SPINT2: variants seen among roughly 807,000 people sequenced by gnomAD.
SPINT2 encodes the protein kunitz-type protease inhibitor 2.
Under a neutral mutation model 30.1 loss-of-function variants are expected in SPINT2, and 18 were observed. The observed-to-expected ratio is 0.60, with a 90% CI of 0.41 to 0.89. SPINT2 has a LOEUF of 0.89. Among genes scored for constraint, SPINT2 ranks in the 40% least tolerant of loss-of-function variants. SPINT2 has a pLI of 0.00. For synonymous variants in SPINT2, 139 were observed against 137.9 expected (o/e 1.01, Z -0.05); for missense variants, 276 against 334.3 (o/e 0.83, Z 1.36).
At chr19:38,265,094 A>C in intron 1 of SPINT2, 96 bp downstream of exon 1, 77 of 838,848 alleles carry the variant, frequency 9.2e-5, no homozygotes, top group Middle Eastern at 3.9e-4. Flanking sequence ...GGGGGAGGAA[A>C]CTGGGGGCTA....
chr19:38,273,965 T>G (rs1033875187), intron 1 of SPINT2, among the ~76,000 whole-genome samples: 1 of 152,204 alleles, frequency 6.6e-6, no homozygotes, highest in African/African-American at 2.4e-5. Context: ...GTGCGGTGGC[T>G]CACGCCTGTA....
rs149357103 is a variant in SPINT2, at chr19:38,290,329, G to A, written c.553+49G>A. 77 of 1,599,390 alleles carry A rather than the reference G, an allele frequency of 4.8e-5. No homozygotes were observed. In the East Asian group the frequency reaches 9.7e-4, roughly 20 times the overall value. On this transcript the variant is annotated intron_variant, in intron 5 of 6. Coordinates refer to ENST00000301244, the MANE Select transcript of SPINT2 (RefSeq NM_021102.4). This position sits in a 1 kb window ranked among gnomAD's most constrained non-coding sequence, Gnocchi z 4.3. ...AGGAAGCCCTGCCCTTGAGGACCCC[G>A]GTCCATCTCCCCATCCCTAAAATAT...
chr19:38,287,844 T>C, intron 2 of SPINT2, 32 bp from the exon 3 acceptor site: 19 of 1,613,890 alleles, frequency 1.2e-5, no homozygotes, highest in Non-Finnish European at 1.6e-5. Context: ...TCGAAAGCTC[T>C]TTCACTGTGC....
At chr19:38,280,328 A>G (rs1263269756) in intron 1 of SPINT2, among the ~76,000 whole-genome samples, 3 of 152,228 alleles carry the variant, frequency 2.0e-5, no homozygotes, top group Admixed American at 1.3e-4. Context: ...TAGGAATCAT[A>G]CAGTAAACTA....
In SPINT2 at chr19:38,290,709, G is replaced by C; in HGVS notation, c.592+134G>C. On this transcript the variant is annotated intron_variant, in intron 6 of 6. Transcript: ENST00000301244. This position sits in a 1 kb window ranked among gnomAD's most constrained non-coding sequence, Gnocchi z 4.3. ...TCTTGGCAGAAAGTCATGTTTCTGC[G>C]TGAGAATGGCGAGGTGGTGGTTTGT... The C allele has an allele frequency of 8.0e-7, 1 of 1,243,212 alleles. No homozygotes were observed. The highest frequency in any genetic ancestry group is 1.1e-6 in the Non-Finnish European group (1 of 877,982). The allele number at this position is 1,243,212 out of a possible 1,614,324, so 77.0% of individuals were successfully genotyped here.
chr19:38,270,407 G>A (rs1968439780), intron 1 of SPINT2, among the ~76,000 whole-genome samples: 1 of 152,196 alleles, frequency 6.6e-6, no homozygotes. Flanking sequence ...CCAATTGCCA[G>A]GCACTGACTC....
intron 3 of SPINT2, 59 bp downstream of exon 3, chr19:38,287,994 G>A: frequency 6.3e-7 from 1 of 1,574,866 alleles, no homozygotes; most frequent in Non-Finnish European, 8.7e-7. Context: ...ATTGTGAAAG[G>A]ACACTTGTCA....
Position 38,291,853 on chromosome 19 carries a change from G to A in SPINT2, c.606G>A (p.Ala202=), listed in dbSNP as rs76692070. Residue 202 remains alanine, a synonymous_variant, in exon 7 of 7, where the codon GCG becomes GCA. Transcript: ENST00000301244. ...TCTCGTCCTCAGTGGTGGTTCTGGC[G>A]GGGCTGTTCGTGATGGTGTTGATCC... ...LPLGSKVVVL[A]GLFVMVLILF... is the part of the protein sequence containing the mutation. 2.1e-4 allele frequency: 334 copies of A among 1,612,636 alleles called. No homozygotes were observed. In the African/African-American group the frequency reaches 3.7e-3, roughly 18 times the overall value.
intron 1 of SPINT2, among the ~76,000 whole-genome samples, chr19:38,267,851 C>T (rs537300052): frequency 6.6e-6 from 1 of 152,196 alleles, no homozygotes; most frequent in South Asian, 2.1e-4. Flanking sequence ...ATGATTTACT[C>T]TAATAATGGA....
At chr19:38,266,483 C>G (rs947095871) in intron 1 of SPINT2, among the ~76,000 whole-genome samples, 2 of 152,174 alleles carry the variant, frequency 1.3e-5, no homozygotes, top group South Asian at 2.1e-4. Flanking sequence ...CAACACCACC[C>G]TAGGCAACAT....
chr19:38,265,661 T>G lies in SPINT2; in HGVS notation c.106+663T>G, dbSNP rs929827565. On this transcript the variant is annotated intron_variant, in intron 1 of 6. Coordinates refer to ENST00000301244, the MANE Select transcript of SPINT2 (RefSeq NM_021102.4). ...TGGTGAATAAGGTGATTTAAACTTCTACACTCTTAAGGAAGTGTGGTCTGA... is the reference window on the plus strand; with the variant it reads ...TGGTGAATAAGGTGATTTAAACTTCGACACTCTTAAGGAAGTGTGGTCTGA... 2.0e-5 allele frequency: 3 copies of G among 152,332 alleles called. 1 individual carries two copies. Among genetic ancestry groups the G allele is most frequent in the Admixed American group, 1.3e-4 (2 of 15,282 alleles). The allele number at this position is 152,332 out of a possible 1,614,324, so 9.4% of individuals were successfully genotyped here.
chr19:38,274,968 G>C (rs1157685824), intron 1 of SPINT2, among the ~76,000 whole-genome samples: 1 of 152,160 alleles, frequency 6.6e-6, no homozygotes, highest in Non-Finnish European at 1.5e-5. Context: ...CTTTCTGGAT[G>C]GTGGCCCAGA....
At chr19:38,275,484 C>T (rs146497940) in intron 1 of SPINT2, among the ~76,000 whole-genome samples, 1,810 of 152,052 alleles carry the variant, frequency 0.012, 12 homozygotes, top group Non-Finnish European at 0.019. Flanking sequence ...GCCACTGTGC[C>T]GGGCTAAGTT....
At chr19:38,284,549 G>A (rs2146275612) in intron 2 of SPINT2, among the ~76,000 whole-genome samples, 1 of 152,292 alleles carries the variant, frequency 6.6e-6, no homozygotes. Flanking sequence ...TTTCACAGCA[G>A]ACCCTCACTC....
Position 38,283,683 on chromosome 19 carries a change from T to C in SPINT2, c.163T>C (p.Trp55Arg). Residue 55 changes from tryptophan to arginine, a missense_variant, in exon 2 of 7, where the codon TGG becomes CGG. Coordinates refer to ENST00000301244, the MANE Select transcript of SPINT2 (RefSeq NM_021102.4). ...GRCRASMPRW[W>R]YNVTDGSCQL... Reference sequence around the variant, plus strand: ...ATGCCGGGCCTCCATGCCTAGGTGGTGGTACAATGTCACTGACGGATCCTG... The same window carrying C: ...ATGCCGGGCCTCCATGCCTAGGTGGCGGTACAATGTCACTGACGGATCCTG... The C allele has an allele frequency of 1.9e-6, 3 of 1,614,082 alleles. No homozygotes were observed. Among genetic ancestry groups the C allele is most frequent in the Non-Finnish European group, 2.5e-6 (3 of 1,180,022 alleles).
At chr19:38,279,334 C>A (rs1299724737) in intron 1 of SPINT2, among the ~76,000 whole-genome samples, 1 of 151,784 alleles carries the variant, frequency 6.6e-6, no homozygotes, top group Non-Finnish European at 1.5e-5. Context: ...CCGCGTCTCT[C>A]CTAAAAATAC....
intron 3 of SPINT2, chr19:38,288,847 A>C: frequency 2.4e-6 from 1 of 408,490 alleles, no homozygotes; most frequent in Non-Finnish European, 4.6e-6. Context: ...CCCTCACTGT[A>C]TTAGAAAGTG....
chr19:38,268,766 C>CGCGTGTGTGTGTGTGTGT lies in SPINT2; in HGVS notation c.106+3769_106+3770insCGTGTGTGTGTGTGTGTG, dbSNP rs375982086. On this transcript the variant is annotated intron_variant, in intron 1 of 6. Transcript: ENST00000301244. Reference sequence around the variant, plus strand: ...GACAGAGAGAGAGCATGCGCGCGCGCGTGTGTGTGTGTGTGTGTGTGTGTT... The same window carrying CGCGTGTGTGTGTGTGTGT: ...GACAGAGAGAGAGCATGCGCGCGCGCGCGTGTGTGTGTGTGTGTGTGTGTGTGTGTGTGTGTGTGTGTT... Among the ~76,000 whole-genome samples the CGCGTGTGTGTGTGTGTGT allele has an allele frequency of 5.0e-3, 754 of 149,916 alleles. 5 individuals are homozygous for CGCGTGTGTGTGTGTGTGT. The highest frequency in any genetic ancestry group is 0.016 in the African/African-American group (652 of 40,730).
At chr19:38,268,158 A>C (rs936299018) in intron 1 of SPINT2, among the ~76,000 whole-genome samples, 2 of 152,056 alleles carry the variant, frequency 1.3e-5, no homozygotes, top group Admixed American at 1.3e-4. Context: ...TCTTGTGAGA[A>C]GCATCATGTG....
Sources: gnomAD v4.1 joint callset for allele counts (sites outside exome capture counted in the v4.1 genomes callset) on GRCh38, gnomAD v4.1.1 for gene constraint, Gnocchi (gnomAD v3.1) non-coding constraint, MANE v1.5 for transcripts, NCBI Gene and HGNC (gene_info 2026-07-23, HGNC 2026-07-21) for gene names.